The following URGCP variants were observed in gnomAD, a reference collection of about 807,000 sequenced individuals.
URGCP encodes up-regulator of cell proliferation.
A neutral mutation model predicts 24.6 loss-of-function variants in URGCP; 13 were observed. The observed-to-expected ratio is 0.53, with a 90% CI of 0.34 to 0.84. URGCP has a LOEUF of 0.84. URGCP is among the 40% of genes least tolerant of loss of function. The pLI is 0.01. For synonymous variants in URGCP, 444 were observed against 487.2 expected (o/e 0.91, Z 1.17); for missense variants, 899 against 1,194.3 (o/e 0.75, Z 3.64).
In URGCP at chr7:43,877,105, C is replaced by G. The variant is rs2132643514; in HGVS notation, c.2358G>C (p.Val786=). The stretch of plus-strand genomic sequence containing the variant: ...TGTCCTTGGTTTCAGCTAGACTGAT[C>G]ACGGTGACATTGCTCAGTCCCATGA... The part of the protein sequence containing the change: ...TLLMGLSNVT[V]ISLAETKDIP... The change falls in exon 6 of 6, where the codon GTG becomes GTC. Residue 786 remains valine, a synonymous_variant. Transcript: ENST00000453200. 2 of 1,614,226 alleles carry G rather than the reference C, an allele frequency of 1.2e-6. No homozygotes were observed. Among genetic ancestry groups the G allele is most frequent in the Non-Finnish European group, 1.7e-6 (2 of 1,180,040 alleles).
At chr7:43,912,755 TG>T (rs1404316713) in intron 1 of URGCP, among the ~76,000 whole-genome samples, 2 of 152,220 alleles carry the variant, frequency 1.3e-5, no homozygotes, top group Non-Finnish European at 2.9e-5. Context: ...TGTAGCAATT[TG>T]TATGACTCCC....
intron 1 of URGCP, among the ~76,000 whole-genome samples, chr7:43,904,616 AG>A (rs1197572815): frequency 6.6e-6 from 1 of 152,188 alleles, no homozygotes; most frequent in Non-Finnish European, 1.5e-5. Flanking sequence ...GACACTTAGG[AG>A]CTATGTCTGC....
intron 1 of URGCP, among the ~76,000 whole-genome samples, chr7:43,922,880 A>AT (rs915406600): frequency 1.1e-3 from 164 of 150,580 alleles, no homozygotes; most frequent in Non-Finnish European, 2.0e-3. Context: ...CACACCAGGC[A>AT]TTTTTTTTTC....
intron 1 of URGCP, among the ~76,000 whole-genome samples, chr7:43,902,511 G>A (rs1243508201): frequency 6.6e-6 from 1 of 152,186 alleles, no homozygotes. Context: ...ACAAAGCGCT[G>A]AGGAGTGAGA....
chr7:43,901,681 T>G (rs1307741373), intron 1 of URGCP, among the ~76,000 whole-genome samples: 1 of 152,114 alleles, frequency 6.6e-6, no homozygotes, highest in Non-Finnish European at 1.5e-5. Context: ...TCCCCCAGTG[T>G]GGCCAGAGGA....
intron 1 of URGCP, chr7:43,918,828 A>G (rs1400447089): frequency 5.4e-6 from 7 of 1,288,414 alleles, no homozygotes; most frequent in Non-Finnish European, 7.9e-6. Context: ...TACTGAGGGC[A>G]CTGACCACAA....
upstream of URGCP, chr7:43,906,604 C>T (rs1415790292): frequency 9.1e-6 from 11 of 1,202,658 alleles, no homozygotes; most frequent in Admixed American, 1.7e-4. Context: ...GCTCCCGCCT[C>T]CTTCGCTTCC....
chr7:43,883,342 ATATATATATATATATATATATT>A (rs1562575096), intron 3 of URGCP, among the ~76,000 whole-genome samples: 1,226 of 96,962 alleles, frequency 0.013, 15 homozygotes, highest in African/African-American at 0.061. Context: ...ATATACATAT[ATATATATATATATATATATATT>A]TTTTTTTTTT....
chr7:43,883,125 T>G (rs1248365343), intron 3 of URGCP, among the ~76,000 whole-genome samples: 2 of 151,880 alleles, frequency 1.3e-5, no homozygotes, highest in Non-Finnish European at 2.9e-5. Context: ...TTACAAAATG[T>G]GTTTAATGTA....
At chr7:43,887,195 A>T (rs1207134894) in intron 3 of URGCP, among the ~76,000 whole-genome samples, 1 of 151,854 alleles carries the variant, frequency 6.6e-6, no homozygotes, top group East Asian at 1.9e-4. Context: ...TGTTGCCCAT[A>T]AAAAAAACAA....
intron 1 of URGCP, chr7:43,919,734 G>A: frequency 7.3e-7 from 1 of 1,378,284 alleles, no homozygotes; most frequent in Non-Finnish European, 1.0e-6. Context: ...ATGGAAGTTG[G>A]CCAACTTCAT....
rs2095849898 is a variant in URGCP at position 43,878,961 on chromosome 7, T to C, written c.502A>G (p.Ile168Val). ...GTGGGCAGCTCAGAAAAGGAATAAA[T>C]GTCGGCAGCAAGGTCATCAGCTGGG... ...WDPADDLAAD[I>V]YSFSELPTPD... The change falls in exon 6 of 6, where the codon ATT (isoleucine) becomes GTT (valine). Residue 168 changes from isoleucine (I) to valine (V), a missense_variant. Coordinates refer to ENST00000453200, the MANE Select transcript of URGCP (RefSeq NM_001077663.3). The surrounding 1 kb of genome is among the most constrained non-coding windows in gnomAD (Gnocchi z 5.6). The C allele has an allele frequency of 6.2e-7, 1 of 1,614,040 alleles. No individual in the cohort carries two copies.
chr7:43,918,900 C>T, intron 1 of URGCP: 1 of 1,406,278 alleles, frequency 7.1e-7, no homozygotes, highest in Non-Finnish European at 1.0e-6. Context: ...GCTGCTGGAC[C>T]TGGAGCCCCA....
intron 1 of URGCP, among the ~76,000 whole-genome samples, chr7:43,895,022 T>A (rs1224683138): frequency 6.6e-6 from 1 of 151,888 alleles, no homozygotes; most frequent in East Asian, 1.9e-4. Flanking sequence ...AGAGAAAGAC[T>A]CTGTCTCAAA....
intron 1 of URGCP, chr7:43,888,081 G>A (rs75770506): frequency 0.11 from 45,323 of 428,138 alleles, 2,886 homozygotes; most frequent in Middle Eastern, 0.15. Context: ...ATAAAATTGT[G>A]TATGTTTATC....
chr7:43,914,976 G>A (rs528006356), intron 1 of URGCP, among the ~76,000 whole-genome samples: 11 of 152,282 alleles, frequency 7.2e-5, no homozygotes, highest in Admixed American at 2.6e-4. Context: ...TCAGACTAAC[G>A]GCCCGCATGC....
intron 5 of URGCP, chr7:43,881,381 A>G (rs915385739): frequency 9.7e-6 from 6 of 616,654 alleles, no homozygotes; most frequent in Admixed American, 3.0e-5. Context: ...TCTGGGTTTC[A>G]CCTCCAAACA....
rs181361165 is a variant in URGCP, at chr7:43,886,557, A to G, written c.112+858T>C. On this transcript the variant is annotated intron_variant, in intron 3 of 5. Transcript: ENST00000453200. ...CACCTGAGGTCAGGAGTTCGAGACC[A>G]GCCTGGCCAACATGGTGAAACTCAT... Among the ~76,000 whole-genome samples the G allele has an allele frequency of 3.6e-3, 547 of 152,312 alleles. 4 individuals carry two copies. Among genetic ancestry groups the G allele is most frequent in the African/African-American group, 0.012 (506 of 41,562 alleles).
chr7:43,918,262 C>CA (rs757829729), intron 1 of URGCP, among the ~76,000 whole-genome samples: 3,795 of 54,922 alleles, frequency 0.069, 145 homozygotes, highest in African/African-American at 0.18. Flanking sequence ...CAATAGACCT[C>CA]AAAAAAAAAA....
Sources: allele counts gnomAD v4.1 joint callset (sites outside exome capture counted in the v4.1 genomes callset), GRCh38; gene constraint gnomAD v4.1.1; non-coding constraint Gnocchi (gnomAD v3.1); transcripts MANE v1.5; gene names NCBI Gene and HGNC (gene_info 2026-07-23, HGNC 2026-07-21).